Variants in PDCD10 observed in about 807,000 individuals in gnomAD.
The protein encoded by PDCD10 is programmed cell death protein 10.
A neutral mutation model predicts 29.2 loss-of-function variants in PDCD10; 4 were observed. The ratio of observed to expected loss-of-function variants is 0.14; its 90% CI spans 0.07 to 0.31. The LOEUF (loss-of-function observed/expected upper bound fraction) is 0.31. Among genes scored for constraint, PDCD10 ranks in the 10% least tolerant of loss-of-function variants. The pLI is 1.00. For synonymous variants in PDCD10, 70 were observed against 82.2 expected (o/e 0.85, Z 0.80); for missense variants, 183 against 257.9 (o/e 0.71, Z 1.99).
At chr3:167,722,527 T>C (rs1723680815) in intron 2 of PDCD10, among the ~76,000 whole-genome samples, 1 of 152,176 alleles carries the variant, frequency 6.6e-6, no homozygotes, top group African/African-American at 2.4e-5. Flanking sequence ...TTTAAAAAAT[T>C]ATTTGATTTC....
In PDCD10 at chr3:167,685,618, C is replaced by A. The variant is rs551898094; in HGVS notation, c.558-1229G>T. Among the ~76,000 whole-genome samples, 4 of 152,042 alleles carry A rather than the reference C, an allele frequency of 2.6e-5. No homozygotes were observed. The East Asian group carries it at 7.7e-4, about 29-fold the overall frequency. Reference sequence around the variant, plus strand: ...GAAAGTAGTAGCAACGACACTGAATCCATATGCAGAGTAAATAATTTCAAT... The same window carrying A: ...GAAAGTAGTAGCAACGACACTGAATACATATGCAGAGTAAATAATTTCAAT... On this transcript the variant is annotated intron_variant, in intron 8 of 8. Coordinates refer to ENST00000392750, the MANE Select transcript of PDCD10 (RefSeq NM_007217.4).
intron 2 of PDCD10, among the ~76,000 whole-genome samples, chr3:167,728,942 T>C (rs1724505909): frequency 6.6e-6 from 1 of 152,166 alleles, no homozygotes; most frequent in Non-Finnish European, 1.5e-5. Context: ...CCTATGCAAG[T>C]TCAACAGACA....
chr3:167,720,666 T>G (rs1304033887), intron 2 of PDCD10, among the ~76,000 whole-genome samples: 2 of 152,086 alleles, frequency 1.3e-5, no homozygotes, highest in Non-Finnish European at 2.9e-5. Context: ...AAATGCATGA[T>G]GTGTAAGTGT....
rs546367247 is a variant in PDCD10 at position 167,683,456 on chromosome 3, G to A, written c.*852C>T. 4.6e-5 allele frequency: 7 copies of A among 151,978 alleles called. No individual in the cohort carries two copies. The East Asian group carries it at 9.7e-4, about 21-fold the overall frequency. The allele number at this position is 151,978 out of a possible 1,614,324, so 9.4% of individuals were successfully genotyped here. ...CACTCATGACAATTTCAATCCAACC[G>A]TTGATATAGCTTCAAATTACTATTA... On this transcript the variant is annotated 3_prime_UTR_variant, in exon 9 of 9. Coordinates refer to ENST00000392750, the MANE Select transcript of PDCD10 (RefSeq NM_007217.4).
At chr3:167,720,622 T>C (rs1050137802) in intron 2 of PDCD10, among the ~76,000 whole-genome samples, 1 of 152,080 alleles carries the variant, frequency 6.6e-6, no homozygotes, top group Non-Finnish European at 1.5e-5. Flanking sequence ...CACATACTTA[T>C]AATATTTATA....
intron 6 of PDCD10, among the ~76,000 whole-genome samples, chr3:167,692,901 G>A (rs558536055): frequency 2.6e-5 from 4 of 152,244 alleles, no homozygotes; most frequent in Non-Finnish European, 5.9e-5. Context: ...CTGGGCGACA[G>A]AGCAAGACTC....
intron 3 of PDCD10, among the ~76,000 whole-genome samples, chr3:167,716,954 CG>C (rs1194910903): frequency 4.6e-5 from 7 of 152,048 alleles, no homozygotes; most frequent in African/African-American, 1.7e-4. Flanking sequence ...CTCTCCTCCC[CG>C]ATATACAAAG....
chr3:167,687,381 G>C, intron 7 of PDCD10, 65 bp from the exon 8 acceptor site: 1 of 1,006,304 alleles, frequency 9.9e-7, no homozygotes, highest in Non-Finnish European at 1.6e-6. Flanking sequence ...AAAAGCCAAA[G>C]GCAAGGACAA....
chr3:167,696,308 C>A (rs1176330669), intron 5 of PDCD10, among the ~76,000 whole-genome samples: 1 of 152,154 alleles, frequency 6.6e-6, no homozygotes, highest in Admixed American at 6.5e-5. Flanking sequence ...GGAGACTTCA[C>A]TAGATTCATT....
intron 2 of PDCD10, among the ~76,000 whole-genome samples, chr3:167,724,054 C>T (rs1427785218): frequency 1.3e-5 from 2 of 152,176 alleles, no homozygotes; most frequent in African/African-American, 4.8e-5. Context: ...CCTCCCTAAC[C>T]AACTCGAGTC....
At position 167,687,251 on chromosome 3, in the gene PDCD10, C is replaced by A; in HGVS notation, c.540G>T (p.Thr180=). ...YSKSFSDTLK[T]YFKDGKAINV... ...GTACTTACTTGCCATCTTTAAAATA[C>A]GTTTTCAGAGTATCACTGAAACTTT... Residue 180 remains threonine, a synonymous_variant, in exon 8 of 9, where the codon ACG becomes ACT. Coordinates refer to ENST00000392750, the MANE Select transcript of PDCD10 (RefSeq NM_007217.4). 3 of 1,549,370 alleles carry A rather than the reference C, an allele frequency of 1.9e-6. No homozygotes were observed. Among genetic ancestry groups the A allele is most frequent in the Non-Finnish European group, 2.7e-6 (3 of 1,121,826 alleles).
intron 4 of PDCD10, 92 bp downstream of exon 4, chr3:167,704,750 C>T: frequency 2.2e-6 from 2 of 894,576 alleles, no homozygotes; most frequent in Non-Finnish European, 3.7e-6. Context: ...AAAGGCTTTC[C>T]CTTAAAGAAA....
intron 3 of PDCD10, among the ~76,000 whole-genome samples, chr3:167,715,124 T>C (rs1244665714): frequency 6.6e-6 from 1 of 150,758 alleles, no homozygotes; most frequent in Non-Finnish European, 1.5e-5. Context: ...ATGCCTACAA[T>C]GAACTCAATA....
intron 6 of PDCD10, 82 bp downstream of exon 6, chr3:167,695,514 A>G: frequency 2.4e-6 from 3 of 1,237,502 alleles, no homozygotes; most frequent in Non-Finnish European, 3.6e-6. Context: ...CAAGTTAGTC[A>G]TACCAAAATT....
intron 2 of PDCD10, among the ~76,000 whole-genome samples, chr3:167,726,787 T>C (rs1445191110): frequency 6.6e-6 from 1 of 151,900 alleles, no homozygotes; most frequent in Non-Finnish European, 1.5e-5. Context: ...TTTGCTCTGA[T>C]TTGCATGACT....
At chr3:167,722,843 T>C (rs570183949) in intron 2 of PDCD10, among the ~76,000 whole-genome samples, 1 of 152,318 alleles carries the variant, frequency 6.6e-6, no homozygotes, top group South Asian at 2.1e-4. Flanking sequence ...CCTACTCAAA[T>C]ACTTAATTTT....
At chr3:167,695,381 G>A (rs998453759) in intron 6 of PDCD10, among the ~76,000 whole-genome samples, 6 of 151,746 alleles carry the variant, frequency 4.0e-5, no homozygotes, top group Non-Finnish European at 8.8e-5. Flanking sequence ...TCCAGTTTAT[G>A]CACATTTCAT....
intron 4 of PDCD10, 115 bp downstream of exon 4, chr3:167,704,727 A>C (rs943565213): frequency 4.1e-6 from 3 of 737,908 alleles, no homozygotes; most frequent in Non-Finnish European, 7.3e-6. Context: ...TAAAACAGGC[A>C]TAAGATGGCT....
chr3:167,724,865 C>T (rs1723930800), intron 2 of PDCD10, among the ~76,000 whole-genome samples: 1 of 152,126 alleles, frequency 6.6e-6, no homozygotes, highest in East Asian at 1.9e-4. Flanking sequence ...AAATTATTTA[C>T]AAATTCTAAT....
Sources: allele counts gnomAD v4.1 joint callset (sites outside exome capture counted in the v4.1 genomes callset), GRCh38; gene constraint gnomAD v4.1.1; transcripts MANE v1.5; gene names NCBI Gene and HGNC (gene_info 2026-07-23, HGNC 2026-07-21).